Variants in SLC4A10 observed in about 807,000 individuals in gnomAD.
The protein encoded by SLC4A10 is sodium-driven chloride bicarbonate exchanger.
Under a neutral mutation model 137.7 loss-of-function variants are expected in SLC4A10, and 42 were observed. The observed-to-expected ratio is 0.30, with a 90% CI of 0.24 to 0.39. SLC4A10 has a LOEUF of 0.39. Among genes scored for constraint, SLC4A10 ranks in the 10% least tolerant of loss-of-function variants. The probability of loss-of-function intolerance (pLI) is 1.00; values close to 1 mark genes in which losing one functional copy is unlikely to be tolerated. For synonymous variants in SLC4A10, 474 were observed against 464.1 expected, an observed-to-expected ratio of 1.02 and a Z score of -0.27; for missense variants, 925 against 1,355.0, an observed-to-expected ratio of 0.68 and a Z score of 4.98.
At chr2:161,741,654 G>C (rs998004303) in intron 1 of SLC4A10, among the ~76,000 whole-genome samples, 3 of 152,134 alleles carry the variant, frequency 2.0e-5, no homozygotes, top group African/African-American at 7.2e-5. Flanking sequence ...CAAATGGCAG[G>C]ATCTCCTTTA....
Position 161,854,963 on chromosome 2 carries a change from T to G in SLC4A10, c.417-7T>G. 1 of 1,609,374 alleles carries G rather than the reference T, an allele frequency of 6.2e-7. No individual in the cohort carries two copies. ...ATAAACTGTGCTGATAATATTTGTT[T>G]GTATAGGTGGTTGAAGTTTGAAGAA... On this transcript the variant is annotated splice_polypyrimidine_tract_variant and splice_region_variant and intron_variant, in intron 4 of 26. Coordinates refer to ENST00000446997, the MANE Select transcript of SLC4A10 (RefSeq NM_001178015.2).
At chr2:161,706,505 T>C (rs1180409889) in intron 1 of SLC4A10, among the ~76,000 whole-genome samples, 1 of 151,602 alleles carries the variant, frequency 6.6e-6, no homozygotes, top group Non-Finnish European at 1.5e-5. Flanking sequence ...ACTTCTTTGG[T>C]TCAGGCCATC....
At chr2:161,775,099 G>T (rs1234967861) in intron 2 of SLC4A10, among the ~76,000 whole-genome samples, 1 of 151,856 alleles carries the variant, frequency 6.6e-6, no homozygotes, top group Non-Finnish European at 1.5e-5. Context: ...TCAAGTTTCT[G>T]CCGCTTTTAA....
rs573251950 is a variant in SLC4A10 at position 161,700,102 on chromosome 2, T to C, written c.49-70871T>C. On this transcript the variant is annotated intron_variant, in intron 1 of 26. Transcript: ENST00000446997. ...CTTGAGGCCTTAAAACATTGAGTGA[T>C]TATTGGGAATGGTGAGCTGTTGGGT... is the stretch of plus-strand genomic sequence containing the variant. 8.5e-5 allele frequency among the ~76,000 whole-genome samples: 13 copies of C among 152,252 alleles called. No individual in the cohort carries two copies. In the East Asian group the frequency reaches 1.9e-3, roughly 23 times the overall value.
intron 3 of SLC4A10, among the ~76,000 whole-genome samples, chr2:161,813,699 A>G (rs1052875181): frequency 1.7e-4 from 26 of 152,128 alleles, no homozygotes; most frequent in African/African-American, 6.3e-4. Context: ...TATTTGAGAA[A>G]ATATATTTAT....
chr2:161,859,719 A>G (rs1180089235), intron 5 of SLC4A10, among the ~76,000 whole-genome samples: 2 of 142,676 alleles, frequency 1.4e-5, no homozygotes, highest in South Asian at 4.3e-4. Flanking sequence ...CCCTGCCTCA[A>G]CCTCCCGAGT....
intron 1 of SLC4A10, among the ~76,000 whole-genome samples, chr2:161,625,183 G>A (rs1349224756): frequency 1.3e-5 from 2 of 151,362 alleles, no homozygotes; most frequent in African/African-American, 4.9e-5. Flanking sequence ...TGGGGGACAG[G>A]CACACAATTC....
At chr2:161,678,075 T>G (rs974491585) in intron 1 of SLC4A10, among the ~76,000 whole-genome samples, 1 of 152,166 alleles carries the variant, frequency 6.6e-6, no homozygotes, top group Non-Finnish European at 1.5e-5. Flanking sequence ...CTTTTTTCAC[T>G]GTGCATTTTA....
intron 8 of SLC4A10, among the ~76,000 whole-genome samples, chr2:161,874,518 C>T (rs1014751621): frequency 6.6e-6 from 1 of 152,164 alleles, no homozygotes; most frequent in African/African-American, 2.4e-5. Flanking sequence ...CTTCTGGTCC[C>T]CCCTCAAACA....
intron 3 of SLC4A10, among the ~76,000 whole-genome samples, chr2:161,836,340 A>G (rs995816643): frequency 2.0e-5 from 3 of 151,922 alleles, no homozygotes; most frequent in African/African-American, 4.8e-5. Context: ...TCTACTAAAA[A>G]TACAAAAATT....
At chr2:161,886,336 C>T (rs980915253) in intron 10 of SLC4A10, among the ~76,000 whole-genome samples, 3 of 151,982 alleles carry the variant, frequency 2.0e-5, no homozygotes, top group Admixed American at 2.0e-4. Context: ...AGATTTACCC[C>T]ATCCTTAAAA....
intron 23 of SLC4A10, among the ~76,000 whole-genome samples, chr2:161,972,011 A>T (rs1302255896): frequency 3.9e-5 from 6 of 152,206 alleles, no homozygotes; most frequent in Admixed American, 3.9e-4. Flanking sequence ...TGAATCTTGA[A>T]CATTCGTTTT....
At chr2:161,747,470 T>C (rs756431621) in intron 1 of SLC4A10, among the ~76,000 whole-genome samples, 1 of 152,200 alleles carries the variant, frequency 6.6e-6, no homozygotes, top group South Asian at 2.1e-4. Context: ...TTTCCTGTGC[T>C]GTTCATTGCC....
At chr2:161,878,198 T>A (rs143570633) in intron 8 of SLC4A10, among the ~76,000 whole-genome samples, 287 of 152,252 alleles carry the variant, frequency 1.9e-3, no homozygotes, top group African/African-American at 6.7e-3. Flanking sequence ...TTGGCCCTCA[T>A]TTCATTAACA....
chr2:161,816,966 AT>A (rs2057135533), intron 3 of SLC4A10, among the ~76,000 whole-genome samples: 1 of 152,302 alleles, frequency 6.6e-6, no homozygotes, highest in African/African-American at 2.4e-5. Context: ...TTATGGCAGC[AT>A]GATTTATAGT....
At chr2:161,925,464 A>G (rs572153431) in intron 15 of SLC4A10, among the ~76,000 whole-genome samples, 32 of 152,148 alleles carry the variant, frequency 2.1e-4, no homozygotes, top group African/African-American at 7.7e-4. Context: ...TAGTCTTCCT[A>G]GCGGTCTATC....
chr2:161,785,458 A>T (rs2053515726), intron 2 of SLC4A10, among the ~76,000 whole-genome samples: 1 of 151,908 alleles, frequency 6.6e-6, no homozygotes, highest in Non-Finnish European at 1.5e-5. Context: ...ACATAGATGC[A>T]AAAATTCTTA....
At chr2:161,924,926 C>G (rs1016806053) in intron 15 of SLC4A10, among the ~76,000 whole-genome samples, 1 of 152,072 alleles carries the variant, frequency 6.6e-6, no homozygotes, top group Non-Finnish European at 1.5e-5. Context: ...GGAAACTGGA[C>G]AGTGGGGCTG....
chr2:161,774,529 G>A (rs1264319128), intron 2 of SLC4A10, among the ~76,000 whole-genome samples: 1 of 151,694 alleles, frequency 6.6e-6, no homozygotes, highest in Non-Finnish European at 1.5e-5. Flanking sequence ...TTATACCTAC[G>A]TTCCTCCCCA....
Sources: allele counts gnomAD v4.1 joint callset (sites outside exome capture counted in the v4.1 genomes callset), GRCh38; gene constraint gnomAD v4.1.1; transcripts MANE v1.5; gene names NCBI Gene and HGNC (gene_info 2026-07-23, HGNC 2026-07-21).